Variants in RIOK1 observed in about 807,000 individuals in gnomAD.
The protein encoded by RIOK1 is RIO kinase 1, also known as serine/threonine-protein kinase RIO1.
In RIOK1, 66 loss-of-function variants were observed where a neutral mutation model predicts 73.5. The observed-to-expected ratio is 0.90, with a 90% CI of 0.74 to 1.10. The LOEUF (loss-of-function observed/expected upper bound fraction) is 1.10. Ranked by LOEUF, RIOK1 falls within the 50% of genes least tolerant of loss-of-function variation. RIOK1 has a pLI of 0.00. For missense variants in RIOK1, 658 were observed against 699.8 expected (o/e 0.94, Z 0.67); for synonymous variants, 224 against 226.8 (o/e 0.99, Z 0.11).
chr6:7,411,606 T>C, intron 14 of RIOK1, 155 bp downstream of exon 14: 1 of 701,122 alleles, frequency 1.4e-6, no homozygotes, highest in Non-Finnish European at 2.4e-6. Context: ...TGTGTGCACA[T>C]TGAACGCAAA....
intron 11 of RIOK1, 75 bp from the exon 12 acceptor site, chr6:7,405,174 G>C: frequency 9.1e-7 from 1 of 1,093,556 alleles, no homozygotes; most frequent in South Asian, 1.3e-5. Context: ...TTATCTCCTT[G>C]TTTCTCTATA....
Position 7,405,297 on chromosome 6 carries a change from T to C in RIOK1, c.1145T>C (p.Phe382Ser). 1.2e-6 allele frequency: 2 copies of C among 1,613,716 alleles called. No individual in the cohort carries two copies. The highest frequency in any genetic ancestry group is 2.2e-5 in the East Asian group (1 of 44,880). Residue 382 changes from phenylalanine to serine, a missense_variant, in exon 12 of 17, where the codon TTT (phenylalanine) becomes TCT (serine). Transcript: ENST00000379834. Reference protein sequence around the residue: ...SVAVMTVRELFEFVTDPSITH... With the variant: ...SVAVMTVRELSEFVTDPSITH... Reference sequence around the variant, plus strand: ...GCTGTCATGACTGTGCGGGAGCTCTTTGAATTTGTCACAGATCCATCCATT... The same window carrying C: ...GCTGTCATGACTGTGCGGGAGCTCTCTGAATTTGTCACAGATCCATCCATT...
chr6:7,409,916 A>G (rs1039858945), intron 12 of RIOK1, among the ~76,000 whole-genome samples: 11 of 151,840 alleles, frequency 7.2e-5, no homozygotes, highest in African/African-American at 2.2e-4. Context: ...CCCTCGTTTC[A>G]GTCATTGTTT....
At chr6:7,404,886 C>A in intron 10 of RIOK1, 32 bp from the exon 11 acceptor site, 2 of 1,530,802 alleles carry the variant, frequency 1.3e-6, no homozygotes, top group Non-Finnish European at 9.0e-7. Flanking sequence ...AAAGTAATAC[C>A]ATCCCACAGC....
At chr6:7,416,676 C>T (rs898559401) in intron 16 of RIOK1, among the ~76,000 whole-genome samples, 2 of 149,644 alleles carry the variant, frequency 1.3e-5, no homozygotes, top group African/African-American at 2.4e-5. Context: ...AGCTCAAGGC[C>T]GGTTATGGTG....
intron 12 of RIOK1, among the ~76,000 whole-genome samples, chr6:7,408,824 C>T (rs1272801602): frequency 6.7e-6 from 1 of 149,780 alleles, no homozygotes; most frequent in African/African-American, 2.5e-5. Flanking sequence ...TGGGTTCAAG[C>T]GATTCTCCTG....
chr6:7,408,063 G>A (rs182690721), intron 12 of RIOK1, among the ~76,000 whole-genome samples: 1 of 152,194 alleles, frequency 6.6e-6, no homozygotes, highest in African/African-American at 2.4e-5. Context: ...TTGAGATGGA[G>A]TCTCGTTCTG....
At chr6:7,413,507 TTAAA>T (rs1325216138) in intron 15 of RIOK1, among the ~76,000 whole-genome samples, 3 of 152,252 alleles carry the variant, frequency 2.0e-5, no homozygotes, top group East Asian at 3.8e-4. Flanking sequence ...AATTGAAGAC[TTAAA>T]TAAAGGATCA....
chr6:7,401,070 A>T lies in RIOK1; in HGVS notation c.573+20A>T. The T allele has an allele frequency of 1.4e-6, 2 of 1,460,794 alleles. No individual in the cohort carries two copies. The highest frequency in any genetic ancestry group is 1.9e-6 in the Non-Finnish European group (2 of 1,046,410). The allele number at this position is 1,460,794 out of a possible 1,614,324, so 90.5% of individuals were successfully genotyped here. A position where few individuals can be genotyped will look rare whatever the true frequency, so the allele number is the denominator to read the frequency against. Reference sequence around the variant, plus strand: ...AAAGAAGTGAGCTCTTCTTTGGATGATTGGATATTTAATTTTCTTATTTCA... The same window carrying T: ...AAAGAAGTGAGCTCTTCTTTGGATGTTTGGATATTTAATTTTCTTATTTCA... On this transcript the variant is annotated intron_variant, in intron 6 of 16. Transcript: ENST00000379834.
chr6:7,408,240 T>C (rs1761798169), intron 12 of RIOK1, among the ~76,000 whole-genome samples: 1 of 152,230 alleles, frequency 6.6e-6, no homozygotes. Context: ...TTCACCATGT[T>C]GGCCATGGCA....
At chr6:7,392,688 T>C (rs895711577) in intron 1 of RIOK1, among the ~76,000 whole-genome samples, 8 of 152,254 alleles carry the variant, frequency 5.3e-5, no homozygotes, top group Non-Finnish European at 7.4e-5. Flanking sequence ...CCAGCCTTTT[T>C]TCCCCCTTTC....
rs200460028 is a variant in RIOK1, at chr6:7,401,056, CTCT to C, written c.573+11_573+13del. On this transcript the variant is annotated splice_region_variant and intron_variant, in intron 6 of 16. Coordinates refer to ENST00000379834, the MANE Select transcript of RIOK1 (RefSeq NM_031480.3). Reference sequence around the variant, plus strand: ...GCATTAGCACAGGAAAAGAAGTGAGCTCTTCTTTGGATGATTGGATATTTAATT... The same window carrying C: ...GCATTAGCACAGGAAAAGAAGTGAGCTCTTTGGATGATTGGATATTTAATT... 1.8e-3 allele frequency: 2,776 copies of C among 1,554,160 alleles called. 36 individuals are homozygous for C. The African/African-American group carries it at 0.033, about 19-fold the overall frequency.
chr6:7,417,242 C>A lies in RIOK1; in HGVS notation c.1597-89C>A, dbSNP rs921437620. 1.0e-4 allele frequency: 79 copies of A among 757,376 alleles called. No individual in the cohort carries two copies. The African/African-American group carries it at 1.4e-3, about 13-fold the overall frequency. The allele number at this position is 757,376 out of a possible 1,614,324, so 46.9% of individuals were successfully genotyped here. A position where few individuals can be genotyped will look rare whatever the true frequency, so the allele number is the denominator to read the frequency against. ...TCCAGCCTGGGCGACAGAGCAAGAC[C>A]CTGTCTAAAAAACAAAAAACAAAAA... On this transcript the variant is annotated intron_variant, in intron 16 of 16. Transcript: ENST00000379834.
chr6:7,416,287 GA>G (rs1471720258), intron 16 of RIOK1, among the ~76,000 whole-genome samples: 1 of 152,204 alleles, frequency 6.6e-6, no homozygotes, highest in African/African-American at 2.4e-5. Flanking sequence ...AACTTGTAAA[GA>G]AAAGTATTTG....
intron 2 of RIOK1, among the ~76,000 whole-genome samples, chr6:7,394,797 T>C (rs935787859): frequency 1.3e-5 from 2 of 152,180 alleles, no homozygotes; most frequent in Non-Finnish European, 2.9e-5. Context: ...TTTTAATCTG[T>C]TACTTATAAT....
At chr6:7,410,875 TTCTCACAAC>T (rs1227161163) in intron 13 of RIOK1, among the ~76,000 whole-genome samples, 1 of 152,150 alleles carries the variant, frequency 6.6e-6, no homozygotes, top group Non-Finnish European at 1.5e-5. Context: ...TTAAAAAAAA[TTCTCACAAC>T]TCTTAATGGT....
At chr6:7,391,980 A>G (rs932271381) in intron 1 of RIOK1, among the ~76,000 whole-genome samples, 1 of 152,096 alleles carries the variant, frequency 6.6e-6, no homozygotes, top group Admixed American at 6.6e-5. Context: ...GATAATCTGA[A>G]TTTACTTAAA....
At position 7,409,213 on chromosome 6, in the gene RIOK1, T is replaced by TTGTGTG. The variant is rs58234662; in HGVS notation, c.1204-1121_1204-1116dup. The stretch of plus-strand genomic sequence containing the variant: ...GGAGCCCACCACCACTCCCGACTAA[T>TTGTGTG]TGTGTGTGTGTGTGTGTGTGTGTGT... On this transcript the variant is annotated intron_variant, in intron 12 of 16. Transcript: ENST00000379834. Among the ~76,000 whole-genome samples, 126 of 88,232 alleles carry TTGTGTG rather than the reference T, an allele frequency of 1.4e-3. 1 individual carries two copies. The highest frequency in any genetic ancestry group is 4.3e-3 in the South Asian group (9 of 2,094). The allele number at this position is 88,232 out of a possible 152,430, so 57.9% of individuals were successfully genotyped here.
In RIOK1 at chr6:7,411,413, A is replaced by G. The variant is rs148914977; in HGVS notation, c.1351A>G (p.Lys451Glu). The G allele has an allele frequency of 4.3e-6, 7 of 1,613,902 alleles. No homozygotes were observed. The African/African-American group carries it at 9.3e-5, about 22-fold the overall frequency. ...ERDMDIIMKLKEEDMAMNAQQ... is the reference protein window; with the variant it reads ...ERDMDIIMKLEEEDMAMNAQQ... ...GGATATGGACATAATTATGAAATTGAAGGAAGAGGACATGGCCATGAATGC... is the reference window on the plus strand; with the variant it reads ...GGATATGGACATAATTATGAAATTGGAGGAAGAGGACATGGCCATGAATGC... The change falls in exon 14 of 17, where the codon AAG becomes GAG. Residue 451 changes from lysine to glutamate, a missense_variant. Physicochemically the swap from Lys to Glu is moderately conservative, Grantham distance 56. Coordinates refer to ENST00000379834, the MANE Select transcript of RIOK1 (RefSeq NM_031480.3).
Sources: gnomAD v4.1 joint callset for allele counts (sites outside exome capture counted in the v4.1 genomes callset) on GRCh38, gnomAD v4.1.1 for gene constraint, MANE v1.5 for transcripts, NCBI Gene and HGNC (gene_info 2026-07-23, HGNC 2026-07-21) for gene names.